TRIM58: variants seen among roughly 807,000 people sequenced by gnomAD.
TRIM58 encodes the protein tripartite motif containing 58, also known as E3 ubiquitin-protein ligase TRIM58.
In TRIM58, 38 loss-of-function variants were observed where a neutral mutation model predicts 34.1. That is an observed-to-expected ratio of 1.12 (90% CI 0.86 to 1.46). The LOEUF is 1.46. Among genes scored for constraint, TRIM58 ranks in the 40% most tolerant of loss-of-function variants. The pLI, the probability that TRIM58 is intolerant of heterozygous loss-of-function variation, is 0.00. For synonymous variants in TRIM58, 273 were observed against 275.7 expected (o/e 0.99, Z 0.10); for missense variants, 677 against 642.0 (o/e 1.05, Z -0.59).
chr1:247,869,506 A>G (rs1664010356), intron 5 of TRIM58, among the ~76,000 whole-genome samples: 1 of 152,278 alleles, frequency 6.6e-6, no homozygotes, highest in African/African-American at 2.4e-5. Context: ...TAAACAGGAT[A>G]TAGACCAAAT....
intron 2 of TRIM58, among the ~76,000 whole-genome samples, chr1:247,863,486 C>T (rs61855704): frequency 0.18 from 27,252 of 151,322 alleles, 2,545 homozygotes; most frequent in Admixed American, 0.2. Context: ...TGTAGTGAGC[C>T]GAGATCGCGC....
At chr1:247,870,178 A>G (rs964950012) in intron 5 of TRIM58, among the ~76,000 whole-genome samples, 2 of 152,178 alleles carry the variant, frequency 1.3e-5, no homozygotes, top group African/African-American at 4.8e-5. Flanking sequence ...ATGGTCTCCA[A>G]GGGCCTTTAA....
At chr1:247,868,960 C>T (rs1423028881) in intron 5 of TRIM58, among the ~76,000 whole-genome samples, 7 of 152,138 alleles carry the variant, frequency 4.6e-5, no homozygotes, top group African/African-American at 4.8e-5. Flanking sequence ...AGTGCAGTGG[C>T]GCCATCTCAG....
rs541216900 is a variant in TRIM58 at position 247,876,348 on chromosome 1, C to T, written c.1320C>T (p.Phe440=). 2 of 1,614,176 alleles carry T rather than the reference C, an allele frequency of 1.2e-6. No individual in the cohort carries two copies. Among genetic ancestry groups the T allele is most frequent in the Admixed American group, 1.7e-5 (1 of 60,022 alleles). ...GSYIYTFNQL[F]SGLLRPYFFI... is the part of the protein sequence containing the mutation. ...ATATCTACACATTCAACCAACTCTT[C>T]TCTGGTCTTCTTCGGCCTTACTTTT... is the stretch of plus-strand genomic sequence containing the variant. The change falls in exon 6 of 6, where the codon TTC becomes TTT. Residue 440 remains phenylalanine (F), a synonymous_variant. Transcript: ENST00000366481.
chr1:247,858,824 A>G (rs867446965), intron 1 of TRIM58, among the ~76,000 whole-genome samples: 6 of 129,968 alleles, frequency 4.6e-5, no homozygotes, highest in Non-Finnish European at 7.7e-5. Flanking sequence ...GCAGTGGCGC[A>G]ATCTCGGCTC....
chr1:247,875,887 A>G lies in TRIM58; in HGVS notation c.872-13A>G, dbSNP rs772726896. 1.3e-6 allele frequency: 2 copies of G among 1,598,818 alleles called. No homozygotes were observed. The highest frequency in any genetic ancestry group is 1.7e-5 in the Admixed American group (1 of 58,760). ...TCTTTCCTTTCACCTGGTCCACCAC[A>G]TTCTTTCCGCAGTGGATGTAAAGCT... On this transcript the variant is annotated splice_polypyrimidine_tract_variant and intron_variant, in intron 5 of 5. Coordinates refer to ENST00000366481, the MANE Select transcript of TRIM58 (RefSeq NM_015431.4).
intron 5 of TRIM58, among the ~76,000 whole-genome samples, chr1:247,871,941 G>GA (rs1659136144): frequency 6.6e-6 from 1 of 152,194 alleles, no homozygotes; most frequent in Non-Finnish European, 1.5e-5. Flanking sequence ...CCCTGCAGGG[G>GA]ATAACCCAGC....
chr1:247,858,883 C>G (rs997525884), intron 1 of TRIM58, among the ~76,000 whole-genome samples: 1 of 151,274 alleles, frequency 6.6e-6, no homozygotes, highest in Non-Finnish European at 1.5e-5. Flanking sequence ...TCTCCTGCCT[C>G]AGCCTCCCGG....
At chr1:247,861,459 C>T (rs1663791685) in intron 2 of TRIM58, among the ~76,000 whole-genome samples, 1 of 152,148 alleles carries the variant, frequency 6.6e-6, no homozygotes, top group African/African-American at 2.4e-5. Flanking sequence ...GGACAGTTCC[C>T]ATATCTTGTG....
At chr1:247,858,568 T>G (rs184487149) in intron 1 of TRIM58, among the ~76,000 whole-genome samples, 20 of 152,284 alleles carry the variant, frequency 1.3e-4, no homozygotes, top group African/African-American at 4.8e-4. Flanking sequence ...TTATTTTGTT[T>G]GTTTTAAATT....
chr1:247,865,896 C>T (rs1230560275), intron 3 of TRIM58, among the ~76,000 whole-genome samples: 2 of 152,178 alleles, frequency 1.3e-5, no homozygotes, highest in Admixed American at 1.3e-4. Flanking sequence ...TTTTCTGACT[C>T]AGTTCTAGGC....
At position 247,876,094 on chromosome 1, in the gene TRIM58, G is replaced by A; in HGVS notation, c.1066G>A (p.Ala356Thr). 1.8e-5 allele frequency: 29 copies of A among 1,614,188 alleles called. No individual in the cohort carries two copies. Among genetic ancestry groups the A allele is most frequent in the Non-Finnish European group, 2.5e-5 (29 of 1,180,032 alleles). The change falls in exon 6 of 6, where the codon GCA becomes ACA. Residue 356 changes from alanine to threonine, a missense_variant. Physicochemically the swap from Ala to Thr is moderately conservative, Grantham distance 58 (BLOSUM62 0). Transcript: ENST00000366481. The part of the protein sequence containing the change: ...HYWEVLVGEG[A>T]EWGLGVCQDT... ...CTGGGAGGTTCTGGTGGGAGAAGGA[G>A]CAGAGTGGGGTTTAGGGGTCTGTCA...
At chr1:247,860,283 G>C (rs927498618) in intron 1 of TRIM58, among the ~76,000 whole-genome samples, 1 of 152,068 alleles carries the variant, frequency 6.6e-6, no homozygotes, top group Non-Finnish European at 1.5e-5. Context: ...GGGCAATATA[G>C]TAAGACCCCA....
chr1:247,859,227 G>C (rs1459620017), intron 1 of TRIM58, among the ~76,000 whole-genome samples: 1 of 152,024 alleles, frequency 6.6e-6, no homozygotes, highest in Non-Finnish European at 1.5e-5. Flanking sequence ...AAATTTAGCC[G>C]AATCACTGTT....
chr1:247,859,141 C>G (rs925704883), intron 1 of TRIM58, among the ~76,000 whole-genome samples: 3 of 152,050 alleles, frequency 2.0e-5, no homozygotes, highest in Non-Finnish European at 4.4e-5. Flanking sequence ...ACTCCTGAGC[C>G]TCTCAGTGAA....
At position 247,867,857 on chromosome 1, in the gene TRIM58, G is replaced by A; in HGVS notation, c.760G>A (p.Val254Ile). The A allele has an allele frequency of 1.2e-6, 2 of 1,614,182 alleles. No homozygotes were observed. Among genetic ancestry groups the A allele is most frequent in the Non-Finnish European group, 1.7e-6 (2 of 1,180,044 alleles). ...ALGLLEGVRG[V>I]LSRSKAVTRL... ...CTTTCCTTTTCAGGGTGTGAGAGGA[G>A]TCCTGAGCAGGTATGTGTGCTTTCT... Residue 254 changes from valine (V) to isoleucine (I), a missense_variant, in exon 4 of 6, where the codon GTC becomes ATC. By Grantham distance (29) the Val-to-Ile change is conservative. Transcript: ENST00000366481.
At position 247,857,592 on chromosome 1, in the gene TRIM58, T is replaced by C. The variant is rs962611410; in HGVS notation, c.346T>C (p.Trp116Arg). The C allele has an allele frequency of 3.2e-6, 4 of 1,263,470 alleles. No homozygotes were observed. In the African/African-American group the frequency reaches 4.7e-5, roughly 15 times the overall value. 78.3% of individuals were successfully genotyped at this position (1,263,470 alleles called of 1,614,324 possible). A position where few individuals can be genotyped will look rare whatever the true frequency, so the allele number is the denominator to read the frequency against. ...CGAGGAGGACGAGGCGGCGCTGTGC[T>C]GGGTGTGCGACGCCGGCCCCGAGCA... ...FCEEDEAALC[W>R]VCDAGPEHRT... Residue 116 changes from tryptophan (W) to arginine (R), a missense_variant, in exon 1 of 6, where the codon TGG becomes CGG. Physicochemically the swap from Trp to Arg is moderately radical, Grantham distance 101. Coordinates refer to ENST00000366481, the MANE Select transcript of TRIM58 (RefSeq NM_015431.4).
chr1:247,866,850 T>C (rs1471462838), intron 3 of TRIM58, among the ~76,000 whole-genome samples: 1 of 152,074 alleles, frequency 6.6e-6, no homozygotes, highest in African/African-American at 2.4e-5. Context: ...TTCCCTTTCT[T>C]CCCTGGTACT....
chr1:247,868,910 T>TTG (rs1663995515), intron 5 of TRIM58, among the ~76,000 whole-genome samples: 1 of 151,060 alleles, frequency 6.6e-6, no homozygotes, highest in Non-Finnish European at 1.5e-5. Context: ...GTTCTTTTTT[T>TTG]TGTGTGTGTG....
Sources: allele counts gnomAD v4.1 joint callset (sites outside exome capture counted in the v4.1 genomes callset), GRCh38; gene constraint gnomAD v4.1.1; transcripts MANE v1.5; gene names NCBI Gene and HGNC (gene_info 2026-07-23, HGNC 2026-07-21).